AKAP6: variants seen among roughly 807,000 people sequenced by gnomAD.
AKAP6 encodes the protein A-kinase anchoring protein 6.
AKAP6 carries 58 observed loss-of-function variants against 188.5 expected under a neutral mutation model. The observed-to-expected ratio is 0.31, with a 90% confidence interval of 0.25 to 0.38. AKAP6 has a LOEUF of 0.38. Ranked by LOEUF, AKAP6 falls within the 10% of genes least tolerant of loss-of-function variation. The pLI, the probability that AKAP6 is intolerant of heterozygous loss-of-function variation, is 1.00. For synonymous variants in AKAP6, 989 were observed against 998.6 expected, an observed-to-expected ratio of 0.99 and a Z score of 0.18; for missense variants, 2,710 against 2,740.0, an observed-to-expected ratio of 0.99 and a Z score of 0.24.
intron 5 of AKAP6, among the ~76,000 whole-genome samples, chr14:32,592,707 A>G (rs1264260663): frequency 1.3e-5 from 2 of 152,156 alleles, no homozygotes; most frequent in Non-Finnish European, 2.9e-5. Context: ...ATTTTGTATA[A>G]TAAAGCCACT....
chr14:32,796,883 T>A (rs948535344), intron 12 of AKAP6, among the ~76,000 whole-genome samples: 1 of 152,114 alleles, frequency 6.6e-6, no homozygotes, highest in Non-Finnish European at 1.5e-5. Flanking sequence ...GGGAGAAAGT[T>A]TTTGCAATCT....
rs1330655442 is a variant in AKAP6, at chr14:32,807,682, T to A, written c.3589-13720T>A. On this transcript the variant is annotated intron_variant, in intron 12 of 13. Transcript: ENST00000280979. ...TTTCTTGTGGCAATATCATTCCATT[T>A]CTCGAGTTTTAGAGTTGTGGAAATA... Among the ~76,000 whole-genome samples the A allele has an allele frequency of 3.3e-5, 5 of 152,366 alleles. No individual in the cohort carries two copies. The East Asian group carries it at 9.6e-4, about 29-fold the overall frequency.
At chr14:32,470,443 T>G (rs1878711882) in intron 2 of AKAP6, among the ~76,000 whole-genome samples, 1 of 152,322 alleles carries the variant, frequency 6.6e-6, no homozygotes, top group East Asian at 1.9e-4. Context: ...TAGATGATAT[T>G]CTCTGACTCA....
chr14:32,652,025 GCTACC>G (rs1415827594), intron 7 of AKAP6, among the ~76,000 whole-genome samples: 1 of 151,810 alleles, frequency 6.6e-6, no homozygotes, highest in Non-Finnish European at 1.5e-5. Flanking sequence ...GATGATTTTA[GCTACC>G]ACTATAGGCA....
At chr14:32,814,546 T>C (rs1464135238) in intron 12 of AKAP6, among the ~76,000 whole-genome samples, 1 of 152,212 alleles carries the variant, frequency 6.6e-6, no homozygotes, top group Admixed American at 6.5e-5. Context: ...AACATGTTTT[T>C]GAGGCTATTA....
chr14:32,580,361 G>A (rs1331411899), intron 5 of AKAP6, among the ~76,000 whole-genome samples: 1 of 152,046 alleles, frequency 6.6e-6, no homozygotes. Context: ...TATTTTGCAA[G>A]TGTTGAACAT....
At chr14:32,461,524 ACAACAT>A (rs1339063288) in intron 2 of AKAP6, among the ~76,000 whole-genome samples, 4 of 152,154 alleles carry the variant, frequency 2.6e-5, no homozygotes, top group East Asian at 1.9e-4. Context: ...GAAAGCAACA[ACAACAT>A]CAACATCAAC....
At chr14:32,432,203 GA>G (rs1018341526) in intron 1 of AKAP6, among the ~76,000 whole-genome samples, 6 of 151,094 alleles carry the variant, frequency 4.0e-5, no homozygotes, top group East Asian at 1.9e-4. Context: ...TGTAGAACCC[GA>G]AAAAAAAGTA....
chr14:32,825,268 T>C (rs1325105309), intron 13 of AKAP6, among the ~76,000 whole-genome samples: 1 of 152,200 alleles, frequency 6.6e-6, no homozygotes, highest in Non-Finnish European at 1.5e-5. Context: ...ATCTCCTGAT[T>C]TGGCCCTTCC....
chr14:32,570,439 G>A (rs1319037891), intron 4 of AKAP6, among the ~76,000 whole-genome samples: 1 of 151,984 alleles, frequency 6.6e-6, no homozygotes, highest in Non-Finnish European at 1.5e-5. Flanking sequence ...ACTGCGCCTG[G>A]CCCGTGTGGG....
intron 7 of AKAP6, among the ~76,000 whole-genome samples, chr14:32,640,619 T>C (rs974089262): frequency 2.0e-5 from 3 of 152,170 alleles, no homozygotes; most frequent in Non-Finnish European, 4.4e-5. Context: ...CCTCACATTG[T>C]AAATAGAGAC....
chr14:32,810,089 C>A (rs964038350), intron 12 of AKAP6, among the ~76,000 whole-genome samples: 1 of 152,162 alleles, frequency 6.6e-6, no homozygotes, highest in Non-Finnish European at 1.5e-5. Flanking sequence ...GTAATCAACT[C>A]CACTAGCAGG....
chr14:32,609,472 G>A (rs962708740), intron 7 of AKAP6, among the ~76,000 whole-genome samples: 10 of 152,050 alleles, frequency 6.6e-5, no homozygotes, highest in African/African-American at 2.4e-4. Flanking sequence ...GGTCCCGCCG[G>A]GCAGAGCTCA....
chr14:32,750,538 A>G lies in AKAP6; in HGVS notation c.3372+14656A>G, dbSNP rs541667143. Among the ~76,000 whole-genome samples the G allele has an allele frequency of 2.9e-3, 443 of 151,970 alleles. 1 individual carries two copies. Among genetic ancestry groups the G allele is most frequent in the African/African-American group, 0.01 (426 of 41,460 alleles). On this transcript the variant is annotated intron_variant, in intron 11 of 13. Coordinates refer to ENST00000280979, the MANE Select transcript of AKAP6 (RefSeq NM_004274.5). Reference sequence around the variant, plus strand: ...GGAGTTTGAGACCAGCCTGGGCAACATAGTAAGACCCCATCTCTACAAAAA... The same window carrying G: ...GGAGTTTGAGACCAGCCTGGGCAACGTAGTAAGACCCCATCTCTACAAAAA...
chr14:32,600,554 A>G lies in AKAP6; in HGVS notation c.2567-75A>G. Reference sequence around the variant, plus strand: ...TTTATATTGTTTAAAATAGCCATCTAATTTACTAAATAAAAATAATGAGTA... The same window carrying G: ...TTTATATTGTTTAAAATAGCCATCTGATTTACTAAATAAAAATAATGAGTA... On this transcript the variant is annotated intron_variant, in intron 6 of 13. Coordinates refer to ENST00000280979, the MANE Select transcript of AKAP6 (RefSeq NM_004274.5). 8 of 1,404,546 alleles carry G rather than the reference A, an allele frequency of 5.7e-6. No homozygotes were observed. In the South Asian group the frequency reaches 6.3e-5, roughly 11 times the overall value. 87.0% of individuals were successfully genotyped at this position (1,404,546 alleles called of 1,614,324 possible). A position where few individuals can be genotyped will look rare whatever the true frequency, so the allele number is the denominator to read the frequency against.
chr14:32,786,506 A>G (rs981954782), intron 12 of AKAP6, among the ~76,000 whole-genome samples: 2 of 150,626 alleles, frequency 1.3e-5, no homozygotes, highest in African/African-American at 4.9e-5. Context: ...TTTTATTTTT[A>G]GTAGAGATGG....
intron 2 of AKAP6, among the ~76,000 whole-genome samples, chr14:32,518,757 T>C (rs1022687319): frequency 6.6e-6 from 1 of 152,198 alleles, no homozygotes; most frequent in Non-Finnish European, 1.5e-5. Flanking sequence ...TGGAACCAAG[T>C]TGGAAAACAC....
At chr14:32,650,847 A>T (rs1484632364) in intron 7 of AKAP6, among the ~76,000 whole-genome samples, 1 of 152,158 alleles carries the variant, frequency 6.6e-6, no homozygotes, top group Admixed American at 6.5e-5. Flanking sequence ...AGACTTGTTT[A>T]GGCTGGGTAG....
At chr14:32,643,758 A>G (rs770146471) in intron 7 of AKAP6, among the ~76,000 whole-genome samples, 1 of 152,198 alleles carries the variant, frequency 6.6e-6, no homozygotes, top group Non-Finnish European at 1.5e-5. Flanking sequence ...GTCATCAGGA[A>G]GACATAAAGA....
Sources: allele counts gnomAD v4.1 joint callset (sites outside exome capture counted in the v4.1 genomes callset), GRCh38; gene constraint gnomAD v4.1.1; transcripts MANE v1.5; gene names NCBI Gene and HGNC (gene_info 2026-07-23, HGNC 2026-07-21).